The following ADAM12 variants were observed in gnomAD, a reference collection of about 807,000 sequenced individuals.
ADAM12 encodes the protein ADAM metallopeptidase domain 12, also known as disintegrin and metalloproteinase domain-containing protein 12.
In ADAM12, 70 loss-of-function variants were observed where a neutral mutation model predicts 106.4. That is an observed-to-expected ratio of 0.66 (90% confidence interval 0.54 to 0.80). The LOEUF (loss-of-function observed/expected upper bound fraction) is 0.80. Among genes scored for constraint, ADAM12 ranks in the 30% least tolerant of loss-of-function variants. The pLI is 0.00. For missense variants in ADAM12, 1,010 were observed against 1,171.9 expected (o/e 0.86, Z 2.02); for synonymous variants, 420 against 433.5 (o/e 0.97, Z 0.39).
At chr10:126,301,936 T>A (rs1590752861) in intron 2 of ADAM12, among the ~76,000 whole-genome samples, 1 of 152,310 alleles carries the variant, frequency 6.6e-6, no homozygotes, top group East Asian at 1.9e-4. Context: ...TTCAAATTCA[T>A]GGAACATATA....
Position 126,330,414 on chromosome 10 carries a change from T to C in ADAM12, c.184A>G (p.Lys62Glu), listed in dbSNP as rs769222065. 4.0e-5 allele frequency: 65 copies of C among 1,611,504 alleles called. 1 individual carries two copies. Among genetic ancestry groups the C allele is most frequent in the Non-Finnish European group, 4.8e-5 (57 of 1,179,268 alleles). ...LWIPVKSFDS[K>E]NHPEVLNIRL... ...CTGAGAAAAGGAGAGGAACTCACCTTGGAGTCGAAGCTCTTCACTGGGATC... is the reference window on the plus strand; with the variant it reads ...CTGAGAAAAGGAGAGGAACTCACCTCGGAGTCGAAGCTCTTCACTGGGATC... The change falls in exon 2 of 23, where the codon AAG becomes GAG. Residue 62 changes from lysine (K) to glutamate (E), a missense_variant and splice_region_variant. By Grantham distance (56) the Lys-to-Glu change is moderately conservative. Coordinates refer to ENST00000448723, the MANE Select transcript of ADAM12 (RefSeq NM_001288973.2).
intron 5 of ADAM12, among the ~76,000 whole-genome samples, chr10:126,133,878 C>T (rs964205972): frequency 1.3e-5 from 2 of 152,200 alleles, no homozygotes; most frequent in African/African-American, 4.8e-5. Context: ...AAAGGGCTCA[C>T]CTCACCTCCT....
intron 4 of ADAM12, among the ~76,000 whole-genome samples, chr10:126,149,633 T>C (rs1324697804): frequency 1.3e-5 from 2 of 152,322 alleles, no homozygotes; most frequent in East Asian, 1.9e-4. Flanking sequence ...GGCAGAGGAA[T>C]GTGGAAAGAC....
At chr10:126,026,690 TA>T (rs1953879907) in intron 21 of ADAM12, among the ~76,000 whole-genome samples, 1 of 152,098 alleles carries the variant, frequency 6.6e-6, no homozygotes, top group Admixed American at 6.6e-5. Context: ...ATAATGAAAT[TA>T]AGGCAGAAAT....
intron 3 of ADAM12, among the ~76,000 whole-genome samples, chr10:126,190,238 G>A (rs1255432325): frequency 6.7e-6 from 1 of 148,754 alleles, no homozygotes; most frequent in Non-Finnish European, 1.5e-5. Context: ...GTCTCACTCT[G>A]TTACCCAGCC....
chr10:126,064,736 C>A lies in ADAM12; in HGVS notation c.1609+70G>T. On this transcript the variant is annotated intron_variant, in intron 14 of 22. Transcript: ENST00000448723. This position sits in a 1 kb window ranked among gnomAD's most constrained non-coding sequence, Gnocchi z 4.4. ...AGTGGGGGCTAACCAAAACAGAGCA[C>A]ATGCCCCCAGTCCCACAGCCCAGGT... 6.8e-7 allele frequency: 1 copy of A among 1,477,276 alleles called. No homozygotes were observed. Among genetic ancestry groups the A allele is most frequent in the South Asian group, 1.3e-5 (1 of 74,996 alleles). 91.5% of individuals were successfully genotyped at this position (1,477,276 alleles called of 1,614,324 possible).
chr10:126,178,210 G>GT (rs1408936197), intron 3 of ADAM12, among the ~76,000 whole-genome samples: 2 of 141,478 alleles, frequency 1.4e-5, no homozygotes, highest in African/African-American at 5.4e-5. Context: ...GTCTCAAACA[G>GT]TCAAAAAAAA....
At chr10:126,223,888 G>C (rs1958143381) in intron 3 of ADAM12, among the ~76,000 whole-genome samples, 2 of 152,228 alleles carry the variant, frequency 1.3e-5, no homozygotes, top group African/African-American at 4.8e-5. Context: ...ACACCAGCTA[G>C]AGCCATCCCA....
chr10:126,037,844 A>T (rs1462085245), intron 20 of ADAM12, among the ~76,000 whole-genome samples: 1 of 152,240 alleles, frequency 6.6e-6, no homozygotes. Context: ...GGGCTAAAGC[A>T]GCTCACCTAA....
chr10:126,080,038 T>C (rs1955182662), intron 11 of ADAM12, among the ~76,000 whole-genome samples: 1 of 152,226 alleles, frequency 6.6e-6, no homozygotes, highest in Admixed American at 6.5e-5. Flanking sequence ...GGAAGTGTTA[T>C]GTGAAATTGA....
intron 2 of ADAM12, among the ~76,000 whole-genome samples, chr10:126,301,009 G>A (rs78960300): frequency 0.016 from 2,369 of 152,280 alleles, 33 homozygotes; most frequent in East Asian, 0.046. Flanking sequence ...AACTTGGGGC[G>A]ATTTTGCCCC....
intron 21 of ADAM12, among the ~76,000 whole-genome samples, chr10:126,033,087 A>G (rs1344260007): frequency 3.9e-5 from 6 of 152,236 alleles, no homozygotes; most frequent in African/African-American, 1.4e-4. Flanking sequence ...ATAGGAAAAG[A>G]CAAGTCACAG....
At chr10:126,279,770 G>C (rs1277103817) in intron 2 of ADAM12, among the ~76,000 whole-genome samples, 1 of 151,966 alleles carries the variant, frequency 6.6e-6, no homozygotes, top group Non-Finnish European at 1.5e-5. Context: ...TGGAGGGAGA[G>C]TTGGGTCATC....
At chr10:126,040,487 T>G (rs1286328801) in intron 18 of ADAM12, among the ~76,000 whole-genome samples, 1 of 152,154 alleles carries the variant, frequency 6.6e-6, no homozygotes, top group African/African-American at 2.4e-5. Context: ...CTTTCACACC[T>G]TCTTGGTTTC....
chr10:126,145,329 G>C (rs1956605686), intron 4 of ADAM12: 1 of 152,202 alleles, frequency 6.6e-6, no homozygotes, highest in Admixed American at 6.6e-5. Flanking sequence ...GCATTCTCTA[G>C]GTGTCTCCCA....
Position 126,015,244 on chromosome 10 carries a change from TA to T in ADAM12, c.*2034del, listed in dbSNP as rs1195934991. 1 of 152,152 alleles carries T rather than the reference TA, an allele frequency of 6.6e-6. No individual in the cohort carries two copies. The highest frequency in any genetic ancestry group is 2.4e-5 in the African/African-American group (1 of 41,436). 9.4% of individuals were successfully genotyped at this position (152,152 alleles called of 1,614,324 possible). A position where few individuals can be genotyped will look rare whatever the true frequency, so the allele number is the denominator to read the frequency against. On this transcript the variant is annotated 3_prime_UTR_variant, in exon 23 of 23. Coordinates refer to ENST00000448723, the MANE Select transcript of ADAM12 (RefSeq NM_001288973.2). ...GAAATAGAAGCATAGGAATTACAGC[TA>T]AGAACAAACAACAAAAGAAAAACTC... is the stretch of plus-strand genomic sequence containing the variant.
At chr10:126,286,652 C>A (rs143307643) in intron 2 of ADAM12, among the ~76,000 whole-genome samples, 1 of 152,118 alleles carries the variant, frequency 6.6e-6, no homozygotes, top group African/African-American at 2.4e-5. Flanking sequence ...GGAAGATATG[C>A]GCACTGTGGA....
intron 11 of ADAM12, among the ~76,000 whole-genome samples, chr10:126,078,165 C>T (rs1413560116): frequency 2.6e-5 from 4 of 152,180 alleles, no homozygotes; most frequent in African/African-American, 4.8e-5. Context: ...CACCTGCTCC[C>T]CAGGTGCTGA....
chr10:126,036,458 G>A (rs1440958774), intron 20 of ADAM12, 133 bp from the exon 21 acceptor site: 6 of 803,858 alleles, frequency 7.5e-6, no homozygotes, highest in Non-Finnish European at 1.1e-5. Context: ...AATCAAGGAT[G>A]TACACAAGAG....
Sources: gnomAD v4.1 joint callset for allele counts (sites outside exome capture counted in the v4.1 genomes callset) on GRCh38, gnomAD v4.1.1 for gene constraint, Gnocchi (gnomAD v3.1) non-coding constraint, MANE v1.5 for transcripts, NCBI Gene and HGNC (gene_info 2026-07-23, HGNC 2026-07-21) for gene names.